The following TMPRSS7 variants were observed in gnomAD, a reference collection of about 807,000 sequenced individuals.
TMPRSS7 encodes the protein transmembrane serine protease 7.
TMPRSS7 carries 81 observed loss-of-function variants against 95.6 expected under a neutral mutation model. The observed-to-expected ratio is 0.85, with a 90% CI of 0.71 to 1.02. The LOEUF (loss-of-function observed/expected upper bound fraction) is 1.02, where lower values mean the gene tolerates loss of function less well. TMPRSS7 is among the 50% of genes least tolerant of loss of function. The probability of loss-of-function intolerance (pLI) is 0.00; values close to 1 mark genes in which losing one functional copy is unlikely to be tolerated. For synonymous variants in TMPRSS7, 364 were observed against 337.8 expected (o/e 1.08, Z -0.85); for missense variants, 945 against 955.2 (o/e 0.99, Z 0.14).
chr3:112,045,882 C>T (rs1286097465), exon 5 of TMPRSS7: 1 of 1,551,740 alleles, frequency 6.4e-7, no homozygotes, highest in East Asian at 2.4e-5. Flanking sequence ...GCATCATAAA[C>T]CGGACCTCTG....
At chr3:112,060,187 A>G (rs181865887) in intron 10 of TMPRSS7, among the ~76,000 whole-genome samples, 1 of 152,322 alleles carries the variant, frequency 6.6e-6, no homozygotes, top group African/African-American at 2.4e-5. Context: ...GTACTTCACA[A>G]GGTAATAGAA....
At chr3:112,071,487 T>G (rs1340654980) in intron 13 of TMPRSS7, among the ~76,000 whole-genome samples, 1 of 152,226 alleles carries the variant, frequency 6.6e-6, no homozygotes, top group Non-Finnish European at 1.5e-5. Flanking sequence ...ATTTGAATGT[T>G]GGCCTGCCAT....
chr3:112,062,579 A>G (rs1034732126), intron 11 of TMPRSS7, among the ~76,000 whole-genome samples: 2 of 152,178 alleles, frequency 1.3e-5, no homozygotes, highest in African/African-American at 2.4e-5. Context: ...TTGAGAGAAC[A>G]TTTCTTTAGA....
At chr3:112,067,459 A>G (rs961573752) in intron 13 of TMPRSS7, among the ~76,000 whole-genome samples, 9 of 152,154 alleles carry the variant, frequency 5.9e-5, no homozygotes, top group African/African-American at 1.9e-4. Context: ...GTGTAAAAGC[A>G]TTCCTATTTC....
At chr3:112,048,877 A>G (rs1433528208) in intron 7 of TMPRSS7, among the ~76,000 whole-genome samples, 1 of 152,162 alleles carries the variant, frequency 6.6e-6, no homozygotes, top group African/African-American at 2.4e-5. Context: ...TATTATTATT[A>G]CTACTGAGGC....
At chr3:112,074,264 G>A (rs1275557244) in intron 13 of TMPRSS7, 32 bp from the exon 14 acceptor site, 10 of 1,501,588 alleles carry the variant, frequency 6.7e-6, no homozygotes, top group African/African-American at 2.8e-5. Flanking sequence ...TTCTGGCTAA[G>A]GAAAGCTGTT....
At chr3:112,067,865 T>C (rs2073595764) in intron 13 of TMPRSS7, among the ~76,000 whole-genome samples, 1 of 152,252 alleles carries the variant, frequency 6.6e-6, no homozygotes, top group Non-Finnish European at 1.5e-5. Flanking sequence ...TTGGCTTTTG[T>C]TGACATTGCT....
intron 1 of TMPRSS7, 124 bp downstream of exon 1, chr3:112,035,017 A>G (rs2107733576): frequency 3.2e-6 from 2 of 628,464 alleles, no homozygotes; most frequent in East Asian, 2.7e-5. Flanking sequence ...TTATCTTCTT[A>G]TGGTAATTAA....
At chr3:112,041,522 G>T (rs1332443269) in intron 2 of TMPRSS7, among the ~76,000 whole-genome samples, 1 of 151,748 alleles carries the variant, frequency 6.6e-6, no homozygotes. Flanking sequence ...GAGCTTCAAA[G>T]CTAAGCCAGG....
At chr3:112,047,848 A>G (rs2073298584) in exon 7 of TMPRSS7, 1 of 1,614,150 alleles carries the variant, frequency 6.2e-7, no homozygotes, top group Non-Finnish European at 8.5e-7. Context: ...TGGTGGCCAT[A>G]GTGGGCTACC....
chr3:112,052,364 AT>A (rs571614767), intron 9 of TMPRSS7, among the ~76,000 whole-genome samples: 43 of 149,146 alleles, frequency 2.9e-4, no homozygotes, highest in East Asian at 5.9e-4. Flanking sequence ...CTTGATGCAT[AT>A]TTTTTTTTTG....
chr3:112,048,199 A>T (rs950804788), intron 7 of TMPRSS7, among the ~76,000 whole-genome samples: 8 of 152,210 alleles, frequency 5.3e-5, no homozygotes, highest in African/African-American at 1.9e-4. Context: ...AAGTCAGTAC[A>T]GCAAGAACGT....
At chr3:112,047,523 G>C in intron 6 of TMPRSS7, 2 of 655,202 alleles carry the variant, frequency 3.1e-6, no homozygotes, top group Non-Finnish European at 5.6e-6. Context: ...AACTAGGGGT[G>C]AGTTTAACCC....
chr3:112,045,363 G>A (rs1451492818), intron 4 of TMPRSS7, among the ~76,000 whole-genome samples: 1 of 152,174 alleles, frequency 6.6e-6, no homozygotes, highest in African/African-American at 2.4e-5. Context: ...AGTCAGGCTG[G>A]TCTCGAACTC....
intron 12 of TMPRSS7, 107 bp downstream of exon 12, chr3:112,063,739 T>C: frequency 1.1e-6 from 1 of 932,242 alleles, no homozygotes. Flanking sequence ...TATCTATTAC[T>C]GCATAACCAA....
chr3:112,059,479 T>C (rs1358921650), intron 10 of TMPRSS7, among the ~76,000 whole-genome samples: 1 of 152,224 alleles, frequency 6.6e-6, no homozygotes, highest in Admixed American at 6.5e-5. Context: ...TTAACATGCC[T>C]AGCAAGGCTC....
At chr3:112,043,826 C>T (rs953150639) in intron 3 of TMPRSS7, among the ~76,000 whole-genome samples, 2 of 152,110 alleles carry the variant, frequency 1.3e-5, no homozygotes, top group African/African-American at 4.8e-5. Context: ...ACCACTCGCC[C>T]CCTAGTGGCT....
chr3:112,072,227 G>A (rs2073657345), intron 13 of TMPRSS7, among the ~76,000 whole-genome samples: 3 of 152,246 alleles, frequency 2.0e-5, no homozygotes, highest in Non-Finnish European at 4.4e-5. Flanking sequence ...GTCTGTTGGA[G>A]TTTGCTAGAG....
At chr3:112,050,932 T>G (rs2073340261) in intron 9 of TMPRSS7, 149 bp downstream of exon 9, 3 of 496,204 alleles carry the variant, frequency 6.0e-6, no homozygotes, top group Non-Finnish European at 1.1e-5. Context: ...ATGCAACACT[T>G]TTCTGTAATT....
Sources: gnomAD v4.1 joint callset for allele counts (sites outside exome capture counted in the v4.1 genomes callset) on GRCh38, gnomAD v4.1.1 for gene constraint, MANE v1.5 for transcripts, NCBI Gene and HGNC (gene_info 2026-07-23, HGNC 2026-07-21) for gene names.